The following PTPN4 variants were observed in gnomAD, a reference collection of about 807,000 sequenced individuals.
The protein encoded by PTPN4 is tyrosine-protein phosphatase non-receptor type 4.
PTPN4 carries 49 observed loss-of-function variants against 135.5 expected under a neutral mutation model. The observed-to-expected ratio is 0.36, with a 90% CI of 0.29 to 0.46. The LOEUF is 0.46. PTPN4 is among the 20% of genes least tolerant of loss of function. The pLI, the probability that PTPN4 is intolerant of heterozygous loss-of-function variation, is 1.00. For synonymous variants in PTPN4, 333 were observed against 369.9 expected (o/e 0.90, Z 1.14); for missense variants, 860 against 1,101.0 (o/e 0.78, Z 3.10).
intron 2 of PTPN4, among the ~76,000 whole-genome samples, chr2:119,853,188 C>T (rs1677622812): frequency 6.6e-6 from 1 of 152,180 alleles, no homozygotes; most frequent in Admixed American, 6.5e-5. Context: ...TTCTTTTTTA[C>T]ATCTTTGCTG....
At chr2:119,801,376 C>T (rs896864029) in intron 1 of PTPN4, among the ~76,000 whole-genome samples, 2 of 152,198 alleles carry the variant, frequency 1.3e-5, no homozygotes, top group African/African-American at 2.4e-5. Flanking sequence ...GCGTGAGTCA[C>T]TGCGCCTGGC....
At chr2:119,796,649 T>G (rs966511578) in intron 1 of PTPN4, among the ~76,000 whole-genome samples, 1 of 152,212 alleles carries the variant, frequency 6.6e-6, no homozygotes, top group Non-Finnish European at 1.5e-5. Flanking sequence ...GGGGATATAA[T>G]AAAACATTCA....
intron 25 of PTPN4, among the ~76,000 whole-genome samples, chr2:119,966,385 A>T (rs1679446327): frequency 6.6e-6 from 1 of 152,068 alleles, no homozygotes; most frequent in East Asian, 1.9e-4. Context: ...CAGCCCCCGG[A>T]GTAGCTAGAG....
At chr2:119,932,324 C>T (rs1338017466) in intron 13 of PTPN4, 100 bp from the exon 14 acceptor site, 14 of 1,174,466 alleles carry the variant, frequency 1.2e-5, no homozygotes, top group Non-Finnish European at 1.6e-5. Flanking sequence ...TTATGTTGCT[C>T]ATCTAGAACA....
intron 23 of PTPN4, among the ~76,000 whole-genome samples, chr2:119,961,614 A>C (rs1294381736): frequency 6.6e-6 from 1 of 152,226 alleles, no homozygotes; most frequent in African/African-American, 2.4e-5. Context: ...GAGCATTCAT[A>C]ACAGCATTAT....
intron 1 of PTPN4, among the ~76,000 whole-genome samples, chr2:119,764,891 G>A (rs1467206022): frequency 6.6e-6 from 1 of 152,130 alleles, no homozygotes; most frequent in African/African-American, 2.4e-5. Flanking sequence ...AAATAAAGTT[G>A]TGTGGTAGAG....
intron 1 of PTPN4, among the ~76,000 whole-genome samples, chr2:119,783,835 A>G (rs1043043167): frequency 6.6e-6 from 1 of 152,250 alleles, no homozygotes; most frequent in Admixed American, 6.5e-5. Flanking sequence ...TATTATTTAC[A>G]GGATCTCTCA....
intron 2 of PTPN4, among the ~76,000 whole-genome samples, chr2:119,815,457 C>G (rs1320091946): frequency 1.3e-5 from 2 of 152,102 alleles, no homozygotes; most frequent in Non-Finnish European, 2.9e-5. Flanking sequence ...CACAAAATAG[C>G]AATTTACTAA....
intron 3 of PTPN4, among the ~76,000 whole-genome samples, chr2:119,874,040 T>C (rs1677951385): frequency 6.6e-6 from 1 of 152,092 alleles, no homozygotes; most frequent in Admixed American, 6.6e-5. Context: ...ATAACTAAAA[T>C]ATGGGAACAA....
At chr2:119,974,002 A>G (rs959934290) in intron 26 of PTPN4, among the ~76,000 whole-genome samples, 3 of 152,046 alleles carry the variant, frequency 2.0e-5, no homozygotes, top group East Asian at 1.9e-4. Context: ...CATATCTACT[A>G]TTTGGTTAGC....
intron 1 of PTPN4, among the ~76,000 whole-genome samples, chr2:119,786,357 A>G (rs948766379): frequency 1.3e-5 from 2 of 152,180 alleles, no homozygotes; most frequent in African/African-American, 4.8e-5. Context: ...ACTGCTGTGT[A>G]ACCATCCCAG....
At chr2:119,904,320 A>G (rs757099240) in intron 10 of PTPN4, among the ~76,000 whole-genome samples, 5 of 152,194 alleles carry the variant, frequency 3.3e-5, no homozygotes, top group Non-Finnish European at 5.9e-5. Flanking sequence ...AGCAGTAACA[A>G]TAATTTCTGA....
intron 1 of PTPN4, among the ~76,000 whole-genome samples, chr2:119,805,972 C>T (rs1691459222): frequency 6.6e-6 from 1 of 151,986 alleles, no homozygotes; most frequent in South Asian, 2.1e-4. Flanking sequence ...CATATTCAGC[C>T]AAACTAAGCT....
At chr2:119,880,023 G>A (rs560549924) in intron 5 of PTPN4, 3 of 111,636 alleles carry the variant, frequency 2.7e-5, no homozygotes, top group African/African-American at 1.0e-4. Context: ...TTGAAATTAT[G>A]GGGGGGTGGG....
At chr2:119,952,165 A>G (rs1558773146) in intron 19 of PTPN4, 36 bp downstream of exon 19, 4 of 1,566,804 alleles carry the variant, frequency 2.6e-6, no homozygotes, top group Admixed American at 1.7e-5. Context: ...AATTTATAGT[A>G]ATTTATTACT....
intron 10 of PTPN4, among the ~76,000 whole-genome samples, chr2:119,902,049 T>C (rs1031277282): frequency 1.3e-5 from 2 of 152,206 alleles, no homozygotes; most frequent in African/African-American, 4.8e-5. Context: ...CCAAAATTCA[T>C]GACAGCCACC....
intron 26 of PTPN4, among the ~76,000 whole-genome samples, chr2:119,976,342 T>C (rs541992950): frequency 6.6e-6 from 1 of 152,276 alleles, no homozygotes; most frequent in Admixed American, 6.5e-5. Flanking sequence ...GCTTTTTTTT[T>C]CTTAACATAC....
intron 2 of PTPN4, among the ~76,000 whole-genome samples, chr2:119,854,461 A>T (rs1677642652): frequency 6.6e-6 from 1 of 152,152 alleles, no homozygotes; most frequent in Non-Finnish European, 1.5e-5. Context: ...CCCTGAGGAG[A>T]TGTCACCTTA....
chr2:119,958,726 A>G (rs1012826140), intron 22 of PTPN4, among the ~76,000 whole-genome samples: 4 of 152,200 alleles, frequency 2.6e-5, no homozygotes, highest in Non-Finnish European at 5.9e-5. Context: ...TAGCTGATCA[A>G]TACATACTGT....
Sources: gnomAD v4.1 joint callset for allele counts (sites outside exome capture counted in the v4.1 genomes callset) on GRCh38, gnomAD v4.1.1 for gene constraint, MANE v1.5 for transcripts, NCBI Gene and HGNC (gene_info 2026-07-23, HGNC 2026-07-21) for gene names.